Variants in CCSER1 observed in about 807,000 individuals in gnomAD.
The protein encoded by CCSER1 is serine-rich coiled-coil domain-containing protein 1.
In CCSER1, 41 loss-of-function variants were observed where a neutral mutation model predicts 82.0. The ratio of observed to expected loss-of-function variants is 0.50; its 90% confidence interval spans 0.39 to 0.65. CCSER1 has a LOEUF of 0.65. Ranked by LOEUF, CCSER1 falls within the 30% of genes least tolerant of loss-of-function variation. The pLI, the probability that CCSER1 is intolerant of heterozygous loss-of-function variation, is 0.00. For missense variants in CCSER1, 1,119 were observed against 1,064.2 expected (o/e 1.05, Z -0.72); for synonymous variants, 414 against 383.9 (o/e 1.08, Z -0.92).
chr4:91,462,169 C>A (rs1037319959), intron 10 of CCSER1, among the ~76,000 whole-genome samples: 4 of 151,978 alleles, frequency 2.6e-5, no homozygotes, highest in African/African-American at 4.8e-5. Context: ...TAACAAAAAT[C>A]CTGAATAAAT....
Position 90,505,253 on chromosome 4 carries a change from C to T in CCSER1, c.1724+36899C>T, listed in dbSNP as rs547328329. 2.3e-4 allele frequency among the ~76,000 whole-genome samples: 35 copies of T among 152,338 alleles called. 1 individual carries two copies. The South Asian group carries it at 3.1e-3, about 14-fold the overall frequency. ...GCTACAAAGGACTTGGCTGGCCAGA[C>T]GTGCTCCCATCTGGGGCACCCAGAC... On this transcript the variant is annotated intron_variant, in intron 5 of 10. Coordinates refer to ENST00000509176, the MANE Select transcript of CCSER1 (RefSeq NM_001145065.2).
In CCSER1 at chr4:90,304,607, A is replaced by G. The variant is rs1041456379; in HGVS notation, c.-41-3637A>G. Reference sequence around the variant, plus strand: ...GATGGGAATTGAACAATGAGAACACATGGACACAGGAAGGGGAACATCACA... The same window carrying G: ...GATGGGAATTGAACAATGAGAACACGTGGACACAGGAAGGGGAACATCACA... On this transcript the variant is annotated intron_variant, in intron 1 of 10. Transcript: ENST00000509176. 3.9e-5 allele frequency among the ~76,000 whole-genome samples: 6 copies of G among 152,128 alleles called. No homozygotes were observed. The South Asian group carries it at 1.2e-3, about 32-fold the overall frequency.
At chr4:91,075,401 C>G (rs919771711) in intron 9 of CCSER1, among the ~76,000 whole-genome samples, 1 of 151,952 alleles carries the variant, frequency 6.6e-6, no homozygotes, top group Non-Finnish European at 1.5e-5. Context: ...CCAACCACAT[C>G]CCCCAGAGTA....
chr4:90,653,983 GGA>G (rs1346795479), intron 6 of CCSER1, among the ~76,000 whole-genome samples: 2 of 152,036 alleles, frequency 1.3e-5, no homozygotes, highest in African/African-American at 2.4e-5. Flanking sequence ...CATGGTGGCA[GGA>G]GAGAGAGAGC....
chr4:90,670,446 T>C (rs185630954), intron 6 of CCSER1, among the ~76,000 whole-genome samples: 184 of 152,240 alleles, frequency 1.2e-3, no homozygotes, highest in Non-Finnish European at 1.8e-3. Context: ...AGCATGACTT[T>C]TACCATATAA....
intron 6 of CCSER1, among the ~76,000 whole-genome samples, chr4:90,673,712 C>T (rs544246465): frequency 6.6e-6 from 1 of 152,056 alleles, no homozygotes; most frequent in South Asian, 2.1e-4. Flanking sequence ...TGGTGAACAT[C>T]ATAGGCAAAT....
intron 3 of CCSER1, among the ~76,000 whole-genome samples, chr4:90,342,052 C>A (rs1430388311): frequency 6.6e-6 from 1 of 152,046 alleles, no homozygotes; most frequent in Non-Finnish European, 1.5e-5. Context: ...GAAGAAATTA[C>A]CAGAGACCCA....
intron 10 of CCSER1, among the ~76,000 whole-genome samples, chr4:91,156,165 G>T (rs747133913): frequency 2.8e-4 from 43 of 151,722 alleles, no homozygotes; most frequent in Non-Finnish European, 5.5e-4. Context: ...GGAGGTGATG[G>T]CCAAATAGGG....
intron 10 of CCSER1, among the ~76,000 whole-genome samples, chr4:91,215,982 C>T (rs1737207957): frequency 6.6e-6 from 1 of 152,150 alleles, no homozygotes; most frequent in Admixed American, 6.6e-5. Flanking sequence ...CTGTTTTGAT[C>T]CTCTCCCTCT....
At chr4:90,694,206 A>G (rs1347976997) in intron 6 of CCSER1, among the ~76,000 whole-genome samples, 1 of 151,904 alleles carries the variant, frequency 6.6e-6, no homozygotes, top group Non-Finnish European at 1.5e-5. Context: ...TTTAGTGAAA[A>G]TGTTAATAAT....
At chr4:90,898,896 T>C (rs1238993206) in intron 8 of CCSER1, among the ~76,000 whole-genome samples, 1 of 152,040 alleles carries the variant, frequency 6.6e-6, no homozygotes, top group Non-Finnish European at 1.5e-5. Flanking sequence ...CTGGTTTTGT[T>C]TTTAATGCTT....
At chr4:90,496,686 T>C (rs556985609) in intron 5 of CCSER1, among the ~76,000 whole-genome samples, 2 of 152,042 alleles carry the variant, frequency 1.3e-5, no homozygotes, top group African/African-American at 4.8e-5. Flanking sequence ...TTAAAGAAAA[T>C]AAAAGTCATC....
chr4:90,869,484 C>G (rs533147041), intron 8 of CCSER1, among the ~76,000 whole-genome samples: 1 of 152,028 alleles, frequency 6.6e-6, no homozygotes, highest in East Asian at 1.9e-4. Flanking sequence ...ATGTTCTTGT[C>G]ACCTCTGTTG....
chr4:90,979,760 C>T (rs77105330), intron 9 of CCSER1, among the ~76,000 whole-genome samples: 4,148 of 151,796 alleles, frequency 0.027, 190 homozygotes, highest in African/African-American at 0.095. Context: ...TAATCGACCG[C>T]GATGAATAGA....
intron 3 of CCSER1, 88 bp downstream of exon 3, chr4:90,313,135 C>A: frequency 9.5e-7 from 1 of 1,056,816 alleles, no homozygotes; most frequent in Non-Finnish European, 1.4e-6. Flanking sequence ...ACACAGACTA[C>A]AGGATAGACA....
chr4:90,305,123 A>T (rs1470084171), intron 1 of CCSER1, among the ~76,000 whole-genome samples: 1 of 152,024 alleles, frequency 6.6e-6, no homozygotes, highest in African/African-American at 2.4e-5. Context: ...TCACCGTGTT[A>T]GCCAGGATGG....
chr4:91,322,978 GT>G (rs1359814968), intron 10 of CCSER1, among the ~76,000 whole-genome samples: 1 of 152,146 alleles, frequency 6.6e-6, no homozygotes, highest in African/African-American at 2.4e-5. Flanking sequence ...GTGAGGTTCT[GT>G]TTTCTCTTTT....
chr4:90,862,920 T>TG (rs1765273043), intron 8 of CCSER1, among the ~76,000 whole-genome samples: 1 of 150,522 alleles, frequency 6.6e-6, no homozygotes, highest in South Asian at 2.1e-4. Context: ...TTTTTTTTTT[T>TG]TTTTGAGAAA....
chr4:90,130,648 G>C (rs1722663729), intron 1 of CCSER1, among the ~76,000 whole-genome samples: 1 of 151,942 alleles, frequency 6.6e-6, no homozygotes, highest in Admixed American at 6.6e-5. Context: ...TTCTGAGATG[G>C]ATTTTTGCTC....
Sources: gnomAD v4.1 joint callset for allele counts (sites outside exome capture counted in the v4.1 genomes callset) on GRCh38, gnomAD v4.1.1 for gene constraint, MANE v1.5 for transcripts, NCBI Gene and HGNC (gene_info 2026-07-23, HGNC 2026-07-21) for gene names.